Variants in PCM1 observed in about 807,000 individuals in gnomAD.
The protein encoded by PCM1 is pericentriolar material 1.
In PCM1, 157 loss-of-function variants were observed where a neutral mutation model predicts 241.9. The ratio of observed to expected loss-of-function variants is 0.65; its 90% confidence interval spans 0.57 to 0.74. The LOEUF (loss-of-function observed/expected upper bound fraction) is 0.74. Among genes scored for constraint, PCM1 ranks in the 30% least tolerant of loss-of-function variants. PCM1 has a pLI of 0.00. For missense variants in PCM1, 3,478 were observed against 2,360.1 expected, an observed-to-expected ratio of 1.47 and a Z score of -9.81; for synonymous variants, 1,085 against 784.9, an observed-to-expected ratio of 1.38 and a Z score of -6.39.
intron 1 of PCM1, among the ~76,000 whole-genome samples, chr8:17,924,261 G>T (rs569819177): frequency 1.3e-5 from 2 of 152,274 alleles, no homozygotes; most frequent in African/African-American, 4.8e-5. Flanking sequence ...TTTTTGAATT[G>T]AAGGTAAACC....
At chr8:17,939,397 TA>T (rs1299347743) in intron 5 of PCM1, among the ~76,000 whole-genome samples, 3 of 118,950 alleles carry the variant, frequency 2.5e-5, no homozygotes, top group Admixed American at 8.2e-5. Flanking sequence ...AAAATTTATA[TA>T]AAAAATTGTA....
intron 24 of PCM1, among the ~76,000 whole-genome samples, chr8:17,983,048 A>G (rs556933719): frequency 6.6e-6 from 1 of 152,356 alleles, no homozygotes; most frequent in African/African-American, 2.4e-5. Flanking sequence ...ATACGTTTAT[A>G]GCAAACCTTT....
intron 15 of PCM1, among the ~76,000 whole-genome samples, chr8:17,961,701 A>G (rs1384178130): frequency 1.3e-5 from 2 of 152,154 alleles, no homozygotes; most frequent in African/African-American, 4.8e-5. Context: ...TGCCTTTCCT[A>G]CTGTATCTAA....
In PCM1 at chr8:17,937,124, T is replaced by G. The variant is rs2060663332; in HGVS notation, c.97-10T>G. On this transcript the variant is annotated splice_polypyrimidine_tract_variant and intron_variant, in intron 3 of 38. Transcript: ENST00000325083. The stretch of plus-strand genomic sequence containing the variant: ...AGGCCATGTTAATTTTTGCTTTTAC[T>G]TTTTTAAAGGATTGGGGTGCCCAAC... 6.5e-7 allele frequency: 1 copy of G among 1,537,780 alleles called. No homozygotes were observed. Among genetic ancestry groups the G allele is most frequent in the East Asian group, 2.4e-5 (1 of 41,618 alleles).
At chr8:17,932,725 C>A (rs1364835087) in intron 2 of PCM1, among the ~76,000 whole-genome samples, 2 of 151,368 alleles carry the variant, frequency 1.3e-5, no homozygotes, top group Non-Finnish European at 3.0e-5. Flanking sequence ...TTTTTTATTT[C>A]TTTGTGTTCT....
intron 21 of PCM1, 77 bp from the exon 22 acceptor site, chr8:17,969,500 A>T: frequency 3.6e-6 from 4 of 1,109,994 alleles, no homozygotes; most frequent in East Asian, 4.9e-5. Context: ...ATGTTTAATT[A>T]AAACTGTCTT....
intron 23 of PCM1, among the ~76,000 whole-genome samples, chr8:17,975,256 C>T (rs1010241885): frequency 9.2e-5 from 14 of 152,184 alleles, no homozygotes; most frequent in South Asian, 8.3e-4. Context: ...CTCCACCTCC[C>T]GGGTTCAAAC....
intron 7 of PCM1, among the ~76,000 whole-genome samples, chr8:17,948,321 T>TTTTTG (rs2064640580): frequency 1.4e-5 from 1 of 72,936 alleles, no homozygotes; most frequent in Non-Finnish European, 3.2e-5. Context: ...TTTTTTTTTT[T>TTTTTG]GGAGACAGAG....
intron 20 of PCM1, 24 bp downstream of exon 20, chr8:17,966,497 G>C: frequency 2.5e-6 from 4 of 1,608,724 alleles, no homozygotes; most frequent in Non-Finnish European, 2.6e-6. Flanking sequence ...TAGAAGTATT[G>C]AGACTGTATA....
In PCM1 at chr8:17,962,131, A is replaced by G. The variant is rs780893886; in HGVS notation, c.2420A>G (p.Lys807Arg). 2 of 1,610,040 alleles carry G rather than the reference A, an allele frequency of 1.2e-6. No individual in the cohort carries two copies. The highest frequency in any genetic ancestry group is 1.3e-5 in the African/African-American group (1 of 75,038). ...AATCAACACGAGACCAGTACAAGCA[A>G]ATCTGTTTTTGAGCCTGAAGATTCT... ...TVNQHETSTS[K>R]SVFEPEDSSI... Residue 807 changes from lysine to arginine, a missense_variant, in exon 16 of 39, where the codon AAA becomes AGA. Lys to Arg is a conservative substitution (Grantham distance 26). Transcript: ENST00000325083.
intron 34 of PCM1, among the ~76,000 whole-genome samples, chr8:18,013,341 C>T (rs1420532846): frequency 6.6e-6 from 1 of 152,138 alleles, no homozygotes; most frequent in Non-Finnish European, 1.5e-5. Flanking sequence ...ACTTCTACAC[C>T]AGTCTGATAC....
intron 24 of PCM1, among the ~76,000 whole-genome samples, chr8:17,981,981 A>T (rs208030): frequency 0.78 from 118,782 of 152,004 alleles, 47,064 homozygotes; most frequent in African/African-American, 0.87. Context: ...AAAATTTGAA[A>T]GCAAAAAGGC....
chr8:18,022,807 T>C (rs1343399860), intron 36 of PCM1, among the ~76,000 whole-genome samples: 1 of 152,188 alleles, frequency 6.6e-6, no homozygotes, highest in East Asian at 1.9e-4. Context: ...CCCTTGACTA[T>C]ATTAGTAGAG....
rs975947075 is a variant in PCM1, at chr8:18,028,759, G to A, written c.*1097G>A. ...TCAATCTTATAGATTCTTCTTCCTC[G>A]AATAAAATACAAAGAATTAGTTCCA... On this transcript the variant is annotated 3_prime_UTR_variant, in exon 39 of 39. Transcript: ENST00000325083. The A allele has an allele frequency of 1.5e-5, 3 of 193,628 alleles. No individual in the cohort carries two copies. Among genetic ancestry groups the A allele is most frequent in the African/African-American group, 4.6e-5 (2 of 43,150 alleles). 12.0% of individuals were successfully genotyped at this position (193,628 alleles called of 1,614,324 possible). A position where few individuals can be genotyped will look rare whatever the true frequency, so the allele number is the denominator to read the frequency against.
intron 13 of PCM1, among the ~76,000 whole-genome samples, chr8:17,959,472 A>G (rs1209987372): frequency 6.6e-6 from 1 of 152,142 alleles, no homozygotes; most frequent in Non-Finnish European, 1.5e-5. Context: ...CAAAGAATAT[A>G]CTTGCACAAG....
chr8:17,988,935 A>T (rs1253808314), intron 26 of PCM1, among the ~76,000 whole-genome samples: 1 of 151,978 alleles, frequency 6.6e-6, no homozygotes, highest in Non-Finnish European at 1.5e-5. Flanking sequence ...CATGTGACCC[A>T]GCAATTTCTC....
At position 17,963,199 on chromosome 8, in the gene PCM1, A is replaced by C; in HGVS notation, c.2562A>C (p.Gln854His). 2 of 1,613,736 alleles carry C rather than the reference A, an allele frequency of 1.2e-6. No homozygotes were observed. The highest frequency in any genetic ancestry group is 1.7e-6 in the Non-Finnish European group (2 of 1,179,722). The change falls in exon 17 of 39, where the codon CAA becomes CAC. Residue 854 changes from glutamine (Q) to histidine (H), a missense_variant. By Grantham distance (24) the Gln-to-His change is conservative. Coordinates refer to ENST00000325083, the MANE Select transcript of PCM1 (RefSeq NM_006197.4). ...EALMAEHQRR[Q>H]GLAETASPVA... Reference sequence around the variant, plus strand: ...TGATGGCTGAACATCAGAGGAGGCAAGGTCTAGCTGAAACTGCATCTCCAG... The same window carrying C: ...TGATGGCTGAACATCAGAGGAGGCACGGTCTAGCTGAAACTGCATCTCCAG...
At chr8:17,972,942 G>A (rs2077347145) in intron 23 of PCM1, among the ~76,000 whole-genome samples, 1 of 151,978 alleles carries the variant, frequency 6.6e-6, no homozygotes, top group Admixed American at 6.6e-5. Flanking sequence ...CTTCAGTTTT[G>A]TAGATTATTG....
chr8:17,991,394 T>G (rs1266708330), intron 27 of PCM1, 148 bp from the exon 28 acceptor site: 1 of 588,116 alleles, frequency 1.7e-6, no homozygotes, highest in Non-Finnish European at 3.0e-6. Flanking sequence ...ACAATGTATA[T>G]GAAGTGCTCA....
Sources: gnomAD v4.1 joint callset for allele counts (sites outside exome capture counted in the v4.1 genomes callset) on GRCh38, gnomAD v4.1.1 for gene constraint, MANE v1.5 for transcripts, NCBI Gene and HGNC (gene_info 2026-07-23, HGNC 2026-07-21) for gene names.